Variants in DNAH5 observed in about 807,000 individuals in gnomAD.
The protein encoded by DNAH5 is dynein axonemal heavy chain 5.
Under a neutral mutation model 518.2 loss-of-function variants are expected in DNAH5, and 372 were observed. The ratio of observed to expected loss-of-function variants is 0.72; its 90% CI spans 0.66 to 0.78. The LOEUF is 0.78. Among genes scored for constraint, DNAH5 ranks in the 30% least tolerant of loss-of-function variants. DNAH5 has a pLI of 0.00. For synonymous variants in DNAH5, 2,039 were observed against 2,025.9 expected (o/e 1.01, Z -0.17); for missense variants, 5,523 against 5,687.0 (o/e 0.97, Z 0.93).
At chr5:13,828,065 A>G (rs1763136079) in intron 38 of DNAH5, among the ~76,000 whole-genome samples, 1 of 152,254 alleles carries the variant, frequency 6.6e-6, no homozygotes, top group Non-Finnish European at 1.5e-5. Flanking sequence ...ATGAGAACAG[A>G]CTAATACAAT....
chr5:13,901,166 C>T, intron 14 of DNAH5, 86 bp downstream of exon 14: 1 of 1,448,638 alleles, frequency 6.9e-7, no homozygotes, highest in South Asian at 1.2e-5. Context: ...ACAAATCCAG[C>T]TTTCTAAAGA....
intron 22 of DNAH5, among the ~76,000 whole-genome samples, chr5:13,876,322 A>C (rs1195792480): frequency 6.6e-6 from 1 of 152,202 alleles, no homozygotes; most frequent in Non-Finnish European, 1.5e-5. Context: ...AAATGACTAC[A>C]AACCTTATTC....
At chr5:13,998,506 C>T (rs1240929591) in intron 1 of DNAH5, among the ~76,000 whole-genome samples, 2 of 152,218 alleles carry the variant, frequency 1.3e-5, no homozygotes, top group Non-Finnish European at 2.9e-5. Flanking sequence ...GCCCTTCCCA[C>T]GTAAGTGAAG....
Position 13,691,996 on chromosome 5 carries a change from A to G in DNAH5, c.13863T>C (p.Cys4621=), listed in dbSNP as rs1254287410. ...CACTCCCCACATGTTACTTGACATCACACAGAAGGGCAACCCCACGGAGCA... is the reference window on the plus strand; with the variant it reads ...CACTCCCCACATGTTACTTGACATCGCACAGAAGGGCAACCCCACGGAGCA... ...HWVLRGVALL[C]DVK is the part of the protein sequence containing the mutation. Residue 4621 remains cysteine (C), a synonymous_variant, in exon 79 of 79, where the codon TGT becomes TGC. Coordinates refer to ENST00000265104, the MANE Select transcript of DNAH5 (RefSeq NM_001369.3). 1.2e-6 allele frequency: 2 copies of G among 1,613,980 alleles called. No individual in the cohort carries two copies. Among genetic ancestry groups the G allele is most frequent in the Admixed American group, 3.3e-5 (2 of 59,996 alleles).
chr5:13,705,745 T>C (rs77292832), intron 76 of DNAH5, among the ~76,000 whole-genome samples: 111 of 152,340 alleles, frequency 7.3e-4, no homozygotes, highest in African/African-American at 2.6e-3. Context: ...AGTATGTTGC[T>C]GTCCTTATAA....
At chr5:13,900,603 T>A in intron 14 of DNAH5, 191 bp from the exon 15 acceptor site, 1 of 618,016 alleles carries the variant, frequency 1.6e-6, no homozygotes, top group Non-Finnish European at 2.9e-6. Flanking sequence ...GTTCTTGGTG[T>A]TGATGTTGGG....
chr5:13,932,182 G>C (rs1181829627), intron 1 of DNAH5: 1 of 152,242 alleles, frequency 6.6e-6, no homozygotes, highest in Non-Finnish European at 1.5e-5. Context: ...CCTCAAAAAA[G>C]CTCATGGCCT....
At chr5:13,778,521 GAA>G in intron 53 of DNAH5, among the ~76,000 whole-genome samples, 1 of 121,438 alleles carries the variant, frequency 8.2e-6, no homozygotes, top group Non-Finnish European at 1.8e-5. Flanking sequence ...GGAGGGGAGA[GAA>G]AGTGAGAGAG....
rs563754821 is a variant in DNAH5 at position 14,005,446 on chromosome 5, G to A, written c.12+6202C>T. On this transcript the variant is annotated intron_variant, in intron 1 of 78. Coordinates refer to the DNAH5 transcript ENST00000681290. ...ACATCACAGGAACACAAAAATAAAGGTTTGTGGGACACAGAATGCTGAGCC... is the reference window on the plus strand; with the variant it reads ...ACATCACAGGAACACAAAAATAAAGATTTGTGGGACACAGAATGCTGAGCC... 6.6e-5 allele frequency among the ~76,000 whole-genome samples: 10 copies of A among 152,232 alleles called. 1 individual carries two copies. The highest frequency in any genetic ancestry group is 2.4e-4 in the African/African-American group (10 of 41,524).
chr5:13,901,875 C>A (rs1285863310), intron 13 of DNAH5, among the ~76,000 whole-genome samples, 178 bp downstream of exon 13: 1 of 152,018 alleles, frequency 6.6e-6, no homozygotes, highest in Non-Finnish European at 1.5e-5. Flanking sequence ...TAAAATAAAT[C>A]CTGAATCCTT....
In DNAH5 at chr5:13,727,662, A is replaced by C. The variant is rs769811671; in HGVS notation, c.11884-6T>G. The C allele has an allele frequency of 6.2e-7, 1 of 1,613,752 alleles. No homozygotes were observed. Among genetic ancestry groups the C allele is most frequent in the South Asian group, 1.1e-5 (1 of 91,080 alleles). ...ATTTTCTCATTTCTCGATATCTGAA[A>C]ATACCATGGGATAAAAACTGTGTCA... On this transcript the variant is annotated splice_region_variant and splice_polypyrimidine_tract_variant and intron_variant, in intron 69 of 78. Coordinates refer to ENST00000265104, the MANE Select transcript of DNAH5 (RefSeq NM_001369.3).
At position 13,810,208 on chromosome 5, in the gene DNAH5, G is replaced by A; in HGVS notation, c.7460C>T (p.Ala2487Val). Residue 2487 changes from alanine (A) to valine (V), a missense_variant, in exon 45 of 79, where the codon GCG becomes GTG. Physicochemically the swap from Ala to Val is moderately conservative, Grantham distance 64. Coordinates refer to ENST00000265104, the MANE Select transcript of DNAH5 (RefSeq NM_001369.3). ...QAHLGRLFVF[A>V]LLWSAGAALE... ...CGCCGCCCCCGCGCTCCACAGCAGC[G>A]CGAACACGAACAGCCGCCCCAGGTG... The A allele has an allele frequency of 6.4e-7, 1 of 1,550,436 alleles. No homozygotes were observed. Among genetic ancestry groups the A allele is most frequent in the South Asian group, 1.2e-5 (1 of 84,088 alleles).
At chr5:13,991,482 T>TGGAAGGAGGAGGAGGAACAGAAGG (rs2152075076) in intron 1 of DNAH5, among the ~76,000 whole-genome samples, 1 of 112,668 alleles carries the variant, frequency 8.9e-6, no homozygotes, top group South Asian at 2.7e-4. Flanking sequence ...GAAGGAAAAG[T>TGGAAGGAGGAGGAGGAACAGAAGG]GGAAGGAGGA....
At position 13,735,299 on chromosome 5, in the gene DNAH5, T is replaced by C. The variant is rs1256892182; in HGVS notation, c.11593A>G (p.Ser3865Gly). ...TCGATGATATTAGCAATCCTCTTGC[T>C]TGTAATCGGGCTCTTGACAGACCTG... ...LARSVKSPIT[S>G]KRIANIIEHM... Residue 3865 changes from serine (S) to glycine (G), a missense_variant, in exon 68 of 79, where the codon AGC (serine) becomes GGC (glycine). This residue lies in a region of DNAH5 where 5,121 missense variants were observed against 5,223.3 expected (regional missense o/e 0.98). Coordinates refer to ENST00000265104, the MANE Select transcript of DNAH5 (RefSeq NM_001369.3). The C allele has an allele frequency of 1.2e-6, 2 of 1,614,088 alleles. No individual in the cohort carries two copies. Among genetic ancestry groups the C allele is most frequent in the Non-Finnish European group, 1.7e-6 (2 of 1,179,992 alleles).
chr5:13,771,687 T>C (rs147741137), intron 55 of DNAH5, among the ~76,000 whole-genome samples: 68 of 152,206 alleles, frequency 4.5e-4, no homozygotes, highest in African/African-American at 1.5e-3. Flanking sequence ...ACGGGTGCCA[T>C]GGAATGAAAG....
At chr5:13,703,873 C>G (rs1170347375) in intron 76 of DNAH5, among the ~76,000 whole-genome samples, 1 of 152,182 alleles carries the variant, frequency 6.6e-6, no homozygotes, top group Non-Finnish European at 1.5e-5. Flanking sequence ...AGGTTGGGTC[C>G]AAGGCTCTAG....
At chr5:13,860,392 A>G (rs1449600986) in intron 29 of DNAH5, 1 of 152,282 alleles carries the variant, frequency 6.6e-6, no homozygotes, top group Non-Finnish European at 1.5e-5. Context: ...GAACACTGGA[A>G]TCATCTCGCC....
chr5:13,989,356 C>T (rs748551233), intron 1 of DNAH5, among the ~76,000 whole-genome samples: 16 of 150,038 alleles, frequency 1.1e-4, no homozygotes, highest in Non-Finnish European at 2.2e-4. Context: ...TTAATTAAGT[C>T]GAAAGACATT....
chr5:13,801,329 C>T (rs1278461707), intron 47 of DNAH5, among the ~76,000 whole-genome samples: 1 of 152,218 alleles, frequency 6.6e-6, no homozygotes, highest in African/African-American at 2.4e-5. Context: ...ACTTCCCCTT[C>T]CAACATAACT....
Sources: allele counts gnomAD v4.1 joint callset (sites outside exome capture counted in the v4.1 genomes callset), GRCh38; gene constraint gnomAD v4.1.1; regional missense constraint gnomAD v4.1.1; transcripts MANE v1.5; gene names NCBI Gene and HGNC (gene_info 2026-07-23, HGNC 2026-07-21).